ATAD2B: variants seen among roughly 807,000 people sequenced by gnomAD.
ATAD2B encodes the protein ATPase family AAA domain containing 2B, also known as ATPase family AAA domain-containing protein 2B.
Under a neutral mutation model 167.6 loss-of-function variants are expected in ATAD2B, and 40 were observed. That is an observed-to-expected ratio of 0.24 (90% CI 0.19 to 0.31). The LOEUF (loss-of-function observed/expected upper bound fraction) is 0.31, where lower values mean the gene tolerates loss of function less well. Ranked by LOEUF, ATAD2B falls within the 10% of genes least tolerant of loss-of-function variation. The pLI, the probability that ATAD2B is intolerant of heterozygous loss-of-function variation, is 1.00. For missense variants in ATAD2B, 1,242 were observed against 1,757.2 expected, an observed-to-expected ratio of 0.71 and a Z score of 5.24; for synonymous variants, 579 against 596.5, an observed-to-expected ratio of 0.97 and a Z score of 0.43.
In ATAD2B at chr2:23,857,428, C is replaced by A; in HGVS notation, c.1555G>T (p.Asp519Tyr). Residue 519 changes from aspartate (D) to tyrosine (Y), a missense_variant, in exon 13 of 28, where the codon GAT (aspartate) becomes TAT (tyrosine). By Grantham distance (160) the Asp-to-Tyr change is radical. Transcript: ENST00000238789. ...AAGAAAAATTACCTGTGGATCTGATCTTGTCTGCTAGAGCGAACTGGAGCT... is the reference window on the plus strand; with the variant it reads ...AAGAAAAATTACCTGTGGATCTGATATTGTCTGCTAGAGCGAACTGGAGCT... ...GLAPVRSSRQ[D>Y]QIHSSIVSTL... is the part of the protein sequence containing the mutation. The A allele has an allele frequency of 6.6e-7, 1 of 1,509,812 alleles. No individual in the cohort carries two copies. The highest frequency in any genetic ancestry group is 8.8e-7 in the Non-Finnish European group (1 of 1,134,632). The allele number at this position is 1,509,812 out of a possible 1,614,324, so 93.5% of individuals were successfully genotyped here. A position where few individuals can be genotyped will look rare whatever the true frequency, so the allele number is the denominator to read the frequency against.
At chr2:23,709,220 T>C in the ATAD2B span, among the ~76,000 whole-genome samples, 1 of 152,166 alleles carries the variant, frequency 6.6e-6, no homozygotes, top group Non-Finnish European at 1.5e-5. Flanking sequence ...TTTGTATTTT[T>C]AGTAGAGACG....
the ATAD2B span, among the ~76,000 whole-genome samples, chr2:23,680,380 C>A: frequency 1.3e-5 from 2 of 152,104 alleles, no homozygotes; most frequent in African/African-American, 4.8e-5. The surrounding 1 kb of genome is among the most constrained non-coding windows in gnomAD (Gnocchi z 4.1). Context: ...GGGAAAGGGG[C>A]AAAGAGGCCT....
the ATAD2B span, chr2:23,696,337 G>A: frequency 0.037 from 58,000 of 1,551,396 alleles, 1,250 homozygotes; most frequent in South Asian, 0.078. This position sits in a 1 kb window ranked among gnomAD's most constrained non-coding sequence, Gnocchi z 5.5. Context: ...CTCCAGGTGG[G>A]ATGGAATCAG....
At chr2:23,880,071 AAG>A (rs1182050510) in intron 7 of ATAD2B, among the ~76,000 whole-genome samples, 1 of 151,572 alleles carries the variant, frequency 6.6e-6, no homozygotes, top group Non-Finnish European at 1.5e-5. Flanking sequence ...AAAAAAAAAA[AAG>A]AGAGAGAGAG....
At chr2:23,722,076 T>C in the ATAD2B span, among the ~76,000 whole-genome samples, 1 of 152,162 alleles carries the variant, frequency 6.6e-6, no homozygotes, top group Non-Finnish European at 1.5e-5. Flanking sequence ...CAAACTGATA[T>C]GACATGACCC....
At chr2:23,696,027 C>T in the ATAD2B span, 1 of 1,551,762 alleles carries the variant, frequency 6.4e-7, no homozygotes, top group Non-Finnish European at 8.7e-7. The surrounding 1 kb of genome is among the most constrained non-coding windows in gnomAD (Gnocchi z 5.5). Flanking sequence ...TGGCCGTCAC[C>T]TGCTGGAACC....
At chr2:23,692,674 G>A in the ATAD2B span, among the ~76,000 whole-genome samples, 2 of 152,192 alleles carry the variant, frequency 1.3e-5, no homozygotes, top group Non-Finnish European at 2.9e-5. Flanking sequence ...GAAGGGGAAA[G>A]AGTGCAAGGC....
chr2:23,771,573 A>C (rs1413820588), intron 22 of ATAD2B, among the ~76,000 whole-genome samples: 2 of 152,142 alleles, frequency 1.3e-5, no homozygotes, highest in African/African-American at 4.8e-5. Context: ...ATCTACTTTT[A>C]ATGTGATGTA....
At chr2:23,920,191 C>A (rs1376455271) in intron 1 of ATAD2B, among the ~76,000 whole-genome samples, 1 of 151,798 alleles carries the variant, frequency 6.6e-6, no homozygotes, top group African/African-American at 2.4e-5. Flanking sequence ...CTGACTGACA[C>A]ATGCTGTTCT....
intron 7 of ATAD2B, among the ~76,000 whole-genome samples, chr2:23,878,052 A>C (rs959851588): frequency 9.4e-5 from 14 of 148,384 alleles, no homozygotes; most frequent in African/African-American, 3.5e-4. Context: ...AAAATGTATA[A>C]ATTGGAGTTC....
chr2:23,718,127 G>C, the ATAD2B span, among the ~76,000 whole-genome samples: 2 of 152,238 alleles, frequency 1.3e-5, no homozygotes, highest in Admixed American at 1.3e-4. Context: ...ATTATTAATG[G>C]GCTCCGAGAA....
At chr2:23,823,136 T>C (rs753011781) in intron 16 of ATAD2B, 122 bp downstream of exon 16, 44 of 872,096 alleles carry the variant, frequency 5.0e-5, no homozygotes, top group Admixed American at 2.3e-4. Flanking sequence ...GCCTGGAATA[T>C]ATAGTACTGA....
intron 1 of ATAD2B, among the ~76,000 whole-genome samples, chr2:23,909,154 A>G (rs1483734140): frequency 1.3e-5 from 2 of 151,794 alleles, no homozygotes; most frequent in Non-Finnish European, 2.9e-5. Context: ...AAAAAAAGAA[A>G]GGCTCCTGGT....
chr2:23,843,616 A>G (rs1299903165), intron 13 of ATAD2B, among the ~76,000 whole-genome samples: 2 of 152,224 alleles, frequency 1.3e-5, no homozygotes. Flanking sequence ...AGGAAAAAGT[A>G]CCACAGAGGA....
chr2:23,755,277 T>C (rs1428743854), intron 25 of ATAD2B, among the ~76,000 whole-genome samples: 4 of 152,160 alleles, frequency 2.6e-5, no homozygotes, highest in Admixed American at 2.6e-4. Flanking sequence ...CTATTAGAAA[T>C]TGATTCAGAG....
chr2:23,692,582 G>C, the ATAD2B span, among the ~76,000 whole-genome samples: 1 of 152,218 alleles, frequency 6.6e-6, no homozygotes, highest in East Asian at 1.9e-4. Context: ...CGAGGTGCCA[G>C]GAACCACGAT....
chr2:23,709,456 C>T, the ATAD2B span, among the ~76,000 whole-genome samples: 23 of 152,224 alleles, frequency 1.5e-4, no homozygotes, highest in African/African-American at 4.8e-4. Context: ...ATGCTAAGGA[C>T]TTGCGTGCCA....
intron 12 of ATAD2B, among the ~76,000 whole-genome samples, chr2:23,858,610 A>C (rs1693832517): frequency 6.6e-6 from 1 of 151,526 alleles, no homozygotes; most frequent in Non-Finnish European, 1.5e-5. Context: ...CAGCCTCCAG[A>C]GTACCTGGGA....
intron 21 of ATAD2B, 41 bp from the exon 22 acceptor site, chr2:23,783,069 A>C (rs757776372): frequency 3.6e-6 from 4 of 1,114,494 alleles, no homozygotes; most frequent in Non-Finnish European, 5.0e-6. Flanking sequence ...CCAGTTTTTC[A>C]CATCATCTCA....
Sources: gnomAD v4.1 joint callset for allele counts (sites outside exome capture counted in the v4.1 genomes callset) on GRCh38, gnomAD v4.1.1 for gene constraint, Gnocchi (gnomAD v3.1) non-coding constraint, MANE v1.5 for transcripts, NCBI Gene and HGNC (gene_info 2026-07-23, HGNC 2026-07-21) for gene names.